The following MYH13 variants were observed in gnomAD, a reference collection of about 807,000 sequenced individuals.
MYH13 encodes myosin-13.
A neutral mutation model predicts 232.1 loss-of-function variants in MYH13; 177 were observed. The observed-to-expected ratio is 0.76, with a 90% CI of 0.67 to 0.86. The LOEUF is 0.86. MYH13 is among the 40% of genes least tolerant of loss of function. The probability of loss-of-function intolerance (pLI) is 0.00; values close to 1 mark genes in which losing one functional copy is unlikely to be tolerated. For synonymous variants in MYH13, 884 were observed against 923.5 expected, an observed-to-expected ratio of 0.96 and a Z score of 0.78; for missense variants, 2,246 against 2,405.9, an observed-to-expected ratio of 0.93 and a Z score of 1.39.
Position 10,315,638 on chromosome 17 carries a change from G to A in MYH13, c.3984+55C>T, listed in dbSNP as rs79462749. Reference sequence around the variant, plus strand: ...AGCACTGCTCTGACCAGCTTCACGGGTGAAGTGGTCATATAGCCTGGCTTC... The same window carrying A: ...AGCACTGCTCTGACCAGCTTCACGGATGAAGTGGTCATATAGCCTGGCTTC... On this transcript the variant is annotated intron_variant, in intron 29 of 40. Coordinates refer to ENST00000252172, the MANE Select transcript of MYH13 (RefSeq NM_003802.3). The A allele has an allele frequency of 7.0e-3, 10,347 of 1,472,270 alleles. 53 individuals are homozygous for A. Among genetic ancestry groups the A allele is most frequent in the Middle Eastern group, 0.01 (54 of 5,372 alleles). The allele number at this position is 1,472,270 out of a possible 1,614,324, so 91.2% of individuals were successfully genotyped here.
chr17:10,336,007 G>A (rs543362202), intron 18 of MYH13, among the ~76,000 whole-genome samples: 17 of 152,158 alleles, frequency 1.1e-4, no homozygotes, highest in Non-Finnish European at 2.2e-4. Flanking sequence ...GTTAGGGGTC[G>A]TGTCCGACTT....
At chr17:10,361,458 A>AT (rs140605006) in intron 5 of MYH13, among the ~76,000 whole-genome samples, 6,218 of 151,936 alleles carry the variant, frequency 0.041, 372 homozygotes, top group African/African-American at 0.12. Context: ...TGACTGGCTA[A>AT]TTTTTTTGTA....
At position 10,304,812 on chromosome 17, in the gene MYH13, G is replaced by A. The variant is rs1906221419; in HGVS notation, c.5467-1314C>T. 6.6e-6 allele frequency among the ~76,000 whole-genome samples: 1 copy of A among 152,170 alleles called. No homozygotes were observed. Among genetic ancestry groups the A allele is most frequent in the African/African-American group, 2.4e-5 (1 of 41,426 alleles). The stretch of plus-strand genomic sequence containing the variant: ...TGTTGTTAATTTCATAGTTGCTTCT[G>A]CCTTTCTTGAAGTCTTGAGGGGAAA... On this transcript the variant is annotated intron_variant, in intron 37 of 40. Coordinates refer to ENST00000252172, the MANE Select transcript of MYH13 (RefSeq NM_003802.3). This position sits in a 1 kb window ranked among gnomAD's most constrained non-coding sequence, Gnocchi z 5.3.
intron 17 of MYH13, 40 bp from the exon 18 acceptor site, chr17:10,340,277 A>C: frequency 1.2e-6 from 2 of 1,613,334 alleles, no homozygotes; most frequent in Non-Finnish European, 1.7e-6. Flanking sequence ...AGCAACTGCC[A>C]TTTCACTGGG....
chr17:10,323,778 AAAAAAAAAAAAGAAGAAG>A (rs1322094035), intron 23 of MYH13, among the ~76,000 whole-genome samples: 72 of 87,620 alleles, frequency 8.2e-4, no homozygotes, highest in East Asian at 1.4e-3. Flanking sequence ...AAAAAAAAAA[AAAAAAAAAAAAGAAGAAG>A]AAGAAGAAGA....
intron 21 of MYH13, among the ~76,000 whole-genome samples, chr17:10,329,309 G>C (rs1055093639): frequency 6.6e-6 from 1 of 152,276 alleles, no homozygotes; most frequent in East Asian, 1.9e-4. Context: ...CATCAATGCT[G>C]CTATTCCTTC....
chr17:10,350,032 G>A lies in MYH13; in HGVS notation c.1144+524C>T, dbSNP rs186126357. Among the ~76,000 whole-genome samples, 369 of 152,258 alleles carry A rather than the reference G, an allele frequency of 2.4e-3. 1 individual carries two copies. The highest frequency in any genetic ancestry group is 8.5e-3 in the African/African-American group (354 of 41,558). On this transcript the variant is annotated intron_variant, in intron 12 of 40. Transcript: ENST00000252172. ...CTGTGCTCTAGTTCCAGGCCTCTTA[G>A]GGATGGGGCAGAGGGTGGCAGTAGG...
chr17:10,337,522 C>G (rs1410323205), intron 18 of MYH13, among the ~76,000 whole-genome samples: 3 of 152,122 alleles, frequency 2.0e-5, no homozygotes, highest in African/African-American at 7.2e-5. Context: ...GATCATGGAT[C>G]GTGACTCCCA....
At chr17:10,317,302 G>C (rs1288278501) in intron 27 of MYH13, among the ~76,000 whole-genome samples, 1 of 152,156 alleles carries the variant, frequency 6.6e-6, no homozygotes, top group African/African-American at 2.4e-5. Context: ...AAGGGAAAAA[G>C]GGCAAACACA....
rs536254873 is a variant in MYH13 at position 10,357,241 on chromosome 17, C to T, written c.738+494G>A. Among the ~76,000 whole-genome samples, 6 of 152,290 alleles carry T rather than the reference C, an allele frequency of 3.9e-5. No homozygotes were observed. In the East Asian group the frequency reaches 7.7e-4, roughly 20 times the overall value. On this transcript the variant is annotated intron_variant, in intron 8 of 40. Transcript: ENST00000252172. Reference sequence around the variant, plus strand: ...CCTCCCAAAGTGCTGGGATTACAGGCGTGAGCCACCGCGCCCAGACTATTT... The same window carrying T: ...CCTCCCAAAGTGCTGGGATTACAGGTGTGAGCCACCGCGCCCAGACTATTT...
intron 2 of MYH13, among the ~76,000 whole-genome samples, chr17:10,369,796 G>A (rs1194827036): frequency 6.6e-6 from 1 of 152,174 alleles, no homozygotes; most frequent in Non-Finnish European, 1.5e-5. Context: ...TCCTGCAATG[G>A]TGCATCTAAC....
rs1236635102 is a variant in MYH13 at position 10,357,785 on chromosome 17, C to G, written c.688G>C (p.Glu230Gln). 6.8e-6 allele frequency: 11 copies of G among 1,613,870 alleles called. No homozygotes were observed. Among genetic ancestry groups the G allele is most frequent in the Non-Finnish European group, 8.5e-6 (10 of 1,179,928 alleles). The change falls in exon 8 of 41, where the codon GAG (glutamate) becomes CAG (glutamine). Residue 230 changes from glutamate (E) to glutamine (Q), a missense_variant. Transcript: ENST00000252172. Reference sequence around the variant, plus strand: ...ACAGTCTTGGCATTTCCAAAGGCCTCCAGCAGTGGGTTGGCCTGGATGATC... The same window carrying G: ...ACAGTCTTGGCATTTCCAAAGGCCTGCAGCAGTGGGTTGGCCTGGATGATC... ...DQIIQANPLLEAFGNAKTVRN... is the reference protein window; with the variant it reads ...DQIIQANPLLQAFGNAKTVRN...
chr17:10,354,968 C>A lies in MYH13; in HGVS notation c.828G>T (p.Thr276=), dbSNP rs748057070. The change falls in exon 10 of 41, where the codon ACG becomes ACT. Residue 276 remains threonine (T), a synonymous_variant. Transcript: ENST00000252172. The stretch of plus-strand genomic sequence containing the variant: ...AGCTTCTCTCACTGGATAATTGAAA[C>A]GTCACTCTGGATTTTTCTAACAGAT... ...ETYLLEKSRV[T]FQLSSERSYH... 1.2e-6 allele frequency: 2 copies of A among 1,609,746 alleles called. No homozygotes were observed. The highest frequency in any genetic ancestry group is 4.5e-5 in the East Asian group (2 of 44,870).
chr17:10,327,886 G>C lies in MYH13; in HGVS notation c.2671C>G (p.Leu891Val), dbSNP rs369600430. The C allele has an allele frequency of 5.0e-6, 8 of 1,613,098 alleles. No individual in the cohort carries two copies. In the African/African-American group the frequency reaches 1.1e-4, roughly 22 times the overall value. ...CTTACAGACTGGACCTGCAATTGGA[G>C]GTCATTCTTCTCCTGCAGGAGGGAG... ...MVSLLQEKND[L>V]QLQVQSETEN... The change falls in exon 22 of 41, where the codon CTC becomes GTC. Residue 891 changes from leucine (L) to valine (V), a missense_variant. Transcript: ENST00000252172.
chr17:10,330,873 C>T (rs574320770), intron 20 of MYH13, among the ~76,000 whole-genome samples: 451 of 152,014 alleles, frequency 3.0e-3, no homozygotes, highest in Non-Finnish European at 5.3e-3. Flanking sequence ...AAAAATTATC[C>T]GGGCGTGGTG....
chr17:10,329,520 C>T (rs1358432755), intron 21 of MYH13, among the ~76,000 whole-genome samples: 1 of 152,208 alleles, frequency 6.6e-6, no homozygotes, highest in Non-Finnish European at 1.5e-5. Flanking sequence ...TCTCTGCACA[C>T]ACCTTCTACA....
rs755058556 is a variant in MYH13, at chr17:10,364,335, C to G, written c.196G>C (p.Asp66His). The G allele has an allele frequency of 9.9e-6, 16 of 1,612,958 alleles. No individual in the cohort carries two copies. The highest frequency in any genetic ancestry group is 1.3e-5 in the African/African-American group (1 of 74,890). ...CTGTAATCAACACTCACCCGGTCAT[C>G]GAGGGTCTTGACTATGACTTTGTCA... The part of the protein sequence containing the change: ...ENDKVIVKTL[D>H]DRMLTLNNDQ... Residue 66 changes from aspartate to histidine, a missense_variant, in exon 3 of 41, where the codon GAT becomes CAT. Physicochemically the swap from Asp to His is moderately conservative, Grantham distance 81. Transcript: ENST00000252172.
intron 18 of MYH13, among the ~76,000 whole-genome samples, chr17:10,334,229 TG>T (rs1022270833): frequency 6.6e-6 from 1 of 151,672 alleles, no homozygotes; most frequent in Non-Finnish European, 1.5e-5. Context: ...GTGGGAGTGG[TG>T]GGGCCAAGGC....
chr17:10,351,234 A>G (rs934655284), intron 11 of MYH13, among the ~76,000 whole-genome samples: 2 of 150,290 alleles, frequency 1.3e-5, no homozygotes, highest in Admixed American at 6.7e-5. Context: ...AAAAAAAAAA[A>G]AGAGAACTGA....
Sources: allele counts gnomAD v4.1 joint callset (sites outside exome capture counted in the v4.1 genomes callset), GRCh38; gene constraint gnomAD v4.1.1; non-coding constraint Gnocchi (gnomAD v3.1); transcripts MANE v1.5; gene names NCBI Gene and HGNC (gene_info 2026-07-23, HGNC 2026-07-21).